The following ARID1B variants were observed in gnomAD, a reference collection of about 807,000 sequenced individuals.
The protein encoded by ARID1B is AT-rich interactive domain-containing protein 1B.
A neutral mutation model predicts 212.3 loss-of-function variants in ARID1B; 30 were observed. The observed-to-expected ratio is 0.14, with a 90% confidence interval of 0.11 to 0.19. ARID1B has a LOEUF of 0.19. Ranked by LOEUF, ARID1B falls within the 10% of genes least tolerant of loss-of-function variation. The probability of loss-of-function intolerance (pLI) is 1.00; values close to 1 mark genes in which losing one functional copy is unlikely to be tolerated. For synonymous variants in ARID1B, 1,402 were observed against 1,301.7 expected, an observed-to-expected ratio of 1.08 and a Z score of -1.66; for missense variants, 2,891 against 3,204.0, an observed-to-expected ratio of 0.90 and a Z score of 2.36.
intron 11 of ARID1B, among the ~76,000 whole-genome samples, chr6:157,177,009 T>C (rs1792144578): frequency 6.6e-6 from 1 of 152,238 alleles, no homozygotes; most frequent in Admixed American, 6.5e-5. Context: ...CTCCATCCAC[T>C]GTAGGAGACT....
At position 156,945,567 on chromosome 6, in the gene ARID1B, G is replaced by A. The variant is rs1208372445; in HGVS notation, c.2247+9991G>A. On this transcript the variant is annotated intron_variant, in intron 4 of 19. Transcript: ENST00000636930. ...TCCCTGAGTCTTTCTTTTCCCCATG[G>A]GCATGGGTGGTTGAGCTGTGCAGTG... Among the ~76,000 whole-genome samples the A allele has an allele frequency of 2.6e-5, 4 of 151,958 alleles. No homozygotes were observed. In the East Asian group the frequency reaches 7.7e-4, roughly 29 times the overall value.
At chr6:157,011,890 A>C (rs976028612) in intron 4 of ARID1B, among the ~76,000 whole-genome samples, 1 of 152,228 alleles carries the variant, frequency 6.6e-6, no homozygotes, top group African/African-American at 2.4e-5. Context: ...GGTGTGAATA[A>C]GAAATCTATG....
At chr6:156,779,509 G>A (rs751547411) in intron 1 of ARID1B, 38 bp downstream of exon 1, 3 of 1,284,176 alleles carry the variant, frequency 2.3e-6, no homozygotes, top group Non-Finnish European at 3.0e-6. Flanking sequence ...TCCGCCCGGC[G>A]GCCTCGCCGC....
rs1472809204 is a variant in ARID1B at position 157,196,315 on chromosome 6, G to A, written c.4382G>A (p.Arg1461Lys). Residue 1461 changes from arginine (R) to lysine (K), a missense_variant and splice_region_variant, in exon 16 of 20, where the codon AGG (arginine) becomes AAG (lysine). Physicochemically the swap from Arg to Lys is conservative, Grantham distance 26. Coordinates refer to ENST00000636930, the MANE Select transcript of ARID1B (RefSeq NM_001374828.1). ...CCCTATGGAGCCAGTTACGACCGAA[G>A]GTGAGTATTTTTTAAGATGACAATA... ...QFPYGASYDR[R>K]HEPYGQQYPG... The A allele has an allele frequency of 1.3e-6, 2 of 1,584,500 alleles. No individual in the cohort carries two copies. The highest frequency in any genetic ancestry group is 1.7e-6 in the Non-Finnish European group (2 of 1,172,266).
intron 1 of ARID1B, among the ~76,000 whole-genome samples, chr6:156,808,827 G>A (rs978191416): frequency 1.3e-5 from 2 of 152,044 alleles, no homozygotes; most frequent in Non-Finnish European, 1.5e-5. Flanking sequence ...TTCTTTTAAC[G>A]AATGTTTTTA....
chr6:156,882,237 T>A (rs373607468), intron 2 of ARID1B, among the ~76,000 whole-genome samples: 10 of 152,244 alleles, frequency 6.6e-5, no homozygotes, highest in African/African-American at 1.9e-4. Flanking sequence ...GCAATTCCCA[T>A]GTTCTGGGAC....
intron 4 of ARID1B, among the ~76,000 whole-genome samples, chr6:156,946,452 A>G (rs900809436): frequency 2.0e-5 from 3 of 152,192 alleles, no homozygotes; most frequent in Admixed American, 2.0e-4. Flanking sequence ...GTGAATTTTA[A>G]AGACAGGGCT....
intron 5 of ARID1B, among the ~76,000 whole-genome samples, chr6:157,099,674 T>TG (rs1250426012): frequency 6.6e-6 from 1 of 152,216 alleles, no homozygotes; most frequent in African/African-American, 2.4e-5. Flanking sequence ...TTCTACCTGT[T>TG]GGCTGATCGT....
intron 1 of ARID1B, among the ~76,000 whole-genome samples, chr6:156,817,093 G>T (rs377684037): frequency 7.0e-6 from 1 of 143,006 alleles, no homozygotes; most frequent in East Asian, 2.1e-4. Context: ...AAAAAAAAAA[G>T]AAAAAAAAAG....
intron 3 of ARID1B, among the ~76,000 whole-genome samples, chr6:156,925,536 TAAA>T (rs1791147340): frequency 6.6e-6 from 1 of 152,250 alleles, no homozygotes; most frequent in African/African-American, 2.4e-5. Flanking sequence ...AAAAAGGTTT[TAAA>T]AAAGTCTGGA....
intron 1 of ARID1B, among the ~76,000 whole-genome samples, chr6:156,817,285 A>G (rs575484172): frequency 1.2e-3 from 180 of 152,180 alleles, no homozygotes; most frequent in Middle Eastern, 3.4e-3. Flanking sequence ...TGGAGATTGC[A>G]GTGATCTGAG....
chr6:157,104,451 G>C (rs1786317451), intron 5 of ARID1B, among the ~76,000 whole-genome samples: 1 of 152,194 alleles, frequency 6.6e-6, no homozygotes, highest in South Asian at 2.1e-4. Flanking sequence ...GAGTGTAGGA[G>C]AAATAAAACT....
At position 157,090,047 on chromosome 6, in the gene ARID1B, G is replaced by A. The variant is rs78241535; in HGVS notation, c.2491+5142G>A. On this transcript the variant is annotated intron_variant, in intron 5 of 19. Coordinates refer to ENST00000636930, the MANE Select transcript of ARID1B (RefSeq NM_001374828.1). The stretch of plus-strand genomic sequence containing the variant: ...ACTCAGCACGGCATCTGAATGCACC[G>A]CTGTTGCCAGAAGATTCTGCGGATG... 3.5e-3 allele frequency among the ~76,000 whole-genome samples: 539 copies of A among 152,328 alleles called. 5 individuals are homozygous for A. The highest frequency in any genetic ancestry group is 0.013 in the African/African-American group (527 of 41,576).
At chr6:156,815,636 T>G (rs1177152394) in intron 1 of ARID1B, among the ~76,000 whole-genome samples, 1 of 152,228 alleles carries the variant, frequency 6.6e-6, no homozygotes, top group Non-Finnish European at 1.5e-5. Flanking sequence ...TATACAAAGC[T>G]TCACATGAGA....
At chr6:156,910,798 T>C (rs1181093397) in intron 3 of ARID1B, among the ~76,000 whole-genome samples, 2 of 152,222 alleles carry the variant, frequency 1.3e-5, no homozygotes, top group Non-Finnish European at 2.9e-5. Context: ...ATGTTTATGA[T>C]AGATCATTTA....
At chr6:157,009,976 C>A (rs976445108) in intron 4 of ARID1B, among the ~76,000 whole-genome samples, 16 of 152,176 alleles carry the variant, frequency 1.1e-4, no homozygotes, top group African/African-American at 3.9e-4. Flanking sequence ...TGAAGTTCTG[C>A]TCTTTATGAA....
intron 9 of ARID1B, chr6:157,167,897 A>T (rs1791444050): frequency 6.6e-6 from 1 of 152,176 alleles, no homozygotes; most frequent in East Asian, 1.9e-4. Flanking sequence ...ACCTAAAGAC[A>T]ATGAGTACCA....
At chr6:156,936,342 C>CAAAAAAAAAAAAAAAAAAA (rs757988115) in intron 4 of ARID1B, 1 of 76,780 alleles carries the variant, frequency 1.3e-5, no homozygotes, top group East Asian at 3.4e-4. Context: ...AACTTCATCT[C>CAAAAAAAAAAAAAAAAAAA]AAAAAAAAAA....
chr6:157,026,402 G>A (rs146186510), intron 4 of ARID1B, among the ~76,000 whole-genome samples: 1 of 152,120 alleles, frequency 6.6e-6, no homozygotes, highest in Non-Finnish European at 1.5e-5. Flanking sequence ...ATTTTAAAGT[G>A]ACTTTATTAT....
Sources: gnomAD v4.1 joint callset for allele counts (sites outside exome capture counted in the v4.1 genomes callset) on GRCh38, gnomAD v4.1.1 for gene constraint, MANE v1.5 for transcripts, NCBI Gene and HGNC (gene_info 2026-07-23, HGNC 2026-07-21) for gene names.